The following APAF1 variants were observed in gnomAD, a reference collection of about 807,000 sequenced individuals.
APAF1 encodes the protein apoptotic peptidase activating factor 1.
APAF1 carries 91 observed loss-of-function variants against 152.4 expected under a neutral mutation model. That is an observed-to-expected ratio of 0.60 (90% CI 0.50 to 0.71). The LOEUF (loss-of-function observed/expected upper bound fraction) is 0.71, where lower values mean the gene tolerates loss of function less well. APAF1 is among the 30% of genes least tolerant of loss of function. The probability of loss-of-function intolerance (pLI) is 0.00; values close to 1 mark genes in which losing one functional copy is unlikely to be tolerated. For missense variants in APAF1, 1,283 were observed against 1,472.0 expected, an observed-to-expected ratio of 0.87 and a Z score of 2.10; for synonymous variants, 484 against 494.1, an observed-to-expected ratio of 0.98 and a Z score of 0.27.
rs145098547 is a variant in APAF1 at position 98,715,350 on chromosome 12, A to G, written c.2959-77A>G. 354 of 1,409,368 alleles carry G rather than the reference A, an allele frequency of 2.5e-4. No individual in the cohort carries two copies. In the African/African-American group the frequency reaches 4.8e-3, roughly 19 times the overall value. The allele number at this position is 1,409,368 out of a possible 1,614,324, so 87.3% of individuals were successfully genotyped here. On this transcript the variant is annotated intron_variant, in intron 21 of 26. Coordinates refer to ENST00000551964, the MANE Select transcript of APAF1 (RefSeq NM_181861.2). ...ATTCTGTACCCTCCAGTCTAATTTT[A>G]GTTTAATATCTTTGGGGTGTAATGC...
At position 98,732,890 on chromosome 12, in the gene APAF1, G is replaced by T; in HGVS notation, c.*324G>T. Reference sequence around the variant, plus strand: ...TTGACATAATTAATGAGAAGAATTTGGAAGAAATTGGTATTTTAATACTGT... The same window carrying T: ...TTGACATAATTAATGAGAAGAATTTTGAAGAAATTGGTATTTTAATACTGT... On this transcript the variant is annotated 3_prime_UTR_variant, in exon 27 of 27. Transcript: ENST00000551964. The T allele has an allele frequency of 3.2e-6, 1 of 308,030 alleles. No individual in the cohort carries two copies. The highest frequency in any genetic ancestry group is 6.1e-6 in the Non-Finnish European group (1 of 163,228). 19.1% of individuals were successfully genotyped at this position (308,030 alleles called of 1,614,324 possible).
chr12:98,701,774 A>G (rs146069069), intron 17 of APAF1, among the ~76,000 whole-genome samples: 1 of 152,086 alleles, frequency 6.6e-6, no homozygotes, highest in Non-Finnish European at 1.5e-5. Flanking sequence ...GTAGATCCCG[A>G]TTTCTTACCC....
Position 98,732,274 on chromosome 12 carries a change from T to C in APAF1, c.3601-146T>C, listed in dbSNP as rs991392806. On this transcript the variant is annotated intron_variant, in intron 26 of 26. Coordinates refer to ENST00000551964, the MANE Select transcript of APAF1 (RefSeq NM_181861.2). ...AAGAGGCTGACCAGGTTGAATAGTATATTCAGCATTAAATCCGAGACATTT... is the reference window on the plus strand; with the variant it reads ...AAGAGGCTGACCAGGTTGAATAGTACATTCAGCATTAAATCCGAGACATTT... The C allele has an allele frequency of 5.1e-5, 37 of 722,260 alleles. 1 individual carries two copies. The South Asian group carries it at 5.8e-4, about 11-fold the overall frequency. 44.7% of individuals were successfully genotyped at this position (722,260 alleles called of 1,614,324 possible).
intron 17 of APAF1, among the ~76,000 whole-genome samples, chr12:98,702,321 T>C (rs1301395640): frequency 5.9e-5 from 9 of 151,966 alleles, no homozygotes; most frequent in Non-Finnish European, 1.5e-5. Context: ...TGCCTTGGCC[T>C]CGCAAAGTGC....
chr12:98,681,200 C>G (rs1453773689), intron 14 of APAF1, among the ~76,000 whole-genome samples: 1 of 152,010 alleles, frequency 6.6e-6, no homozygotes, highest in Non-Finnish European at 1.5e-5. Flanking sequence ...TAGCTGAGAT[C>G]ACAGGTGTGC....
intron 4 of APAF1, 81 bp downstream of exon 4, chr12:98,649,765 TTGAA>T (rs1436335895): frequency 5.7e-5 from 73 of 1,277,330 alleles, no homozygotes; most frequent in Non-Finnish European, 6.6e-5. Flanking sequence ...ACGTGATAAA[TTGAA>T]TGGTAGAAAC....
At chr12:98,665,263 TATATATATATATATA>T (rs2097670776) in intron 7 of APAF1, among the ~76,000 whole-genome samples, 1 of 99,396 alleles carries the variant, frequency 1.0e-5, no homozygotes, top group Non-Finnish European at 2.1e-5. Context: ...CGCATATATA[TATATATATATATATA>T]TTTTTTTTTT....
Position 98,715,418 on chromosome 12 carries a change from G to A in APAF1, c.2959-9G>A, listed in dbSNP as rs1209517780. The stretch of plus-strand genomic sequence containing the variant: ...TCTTCTTAATTTTCTGTGTTTTTCT[G>A]CTTTGAAGATTTTAGAACTTGTAAA... On this transcript the variant is annotated splice_polypyrimidine_tract_variant and intron_variant, in intron 21 of 26. Transcript: ENST00000551964. 2 of 1,612,684 alleles carry A rather than the reference G, an allele frequency of 1.2e-6. No individual in the cohort carries two copies. The highest frequency in any genetic ancestry group is 3.3e-5 in the Admixed American group (2 of 59,916).
At chr12:98,721,844 A>AT (rs2097743374) in intron 22 of APAF1, among the ~76,000 whole-genome samples, 1 of 152,160 alleles carries the variant, frequency 6.6e-6, no homozygotes, top group East Asian at 1.9e-4. Flanking sequence ...TTATTTTAAG[A>AT]TTTTGCCTAG....
intron 7 of APAF1, among the ~76,000 whole-genome samples, chr12:98,663,291 T>C (rs971626166): frequency 6.6e-6 from 1 of 152,238 alleles, no homozygotes; most frequent in Non-Finnish European, 1.5e-5. Flanking sequence ...TTGATATAAG[T>C]ATTTTTAATT....
chr12:98,686,694 T>A, intron 15 of APAF1, 54 bp from the exon 16 acceptor site: 1 of 1,547,218 alleles, frequency 6.5e-7, no homozygotes, highest in Non-Finnish European at 8.9e-7. Flanking sequence ...TGATTTCTGA[T>A]GTTTCCCCAC....
intron 7 of APAF1, among the ~76,000 whole-genome samples, chr12:98,663,897 G>T (rs1278278869): frequency 6.6e-6 from 1 of 152,112 alleles, no homozygotes; most frequent in East Asian, 1.9e-4. Flanking sequence ...GACCTCAGGT[G>T]ATTGCCCGCC....
chr12:98,707,165 A>G (rs2097722250), intron 19 of APAF1, among the ~76,000 whole-genome samples: 1 of 152,126 alleles, frequency 6.6e-6, no homozygotes, highest in Non-Finnish European at 1.5e-5. Context: ...CTTGTCTACC[A>G]AAGTAAATAT....
intron 22 of APAF1, among the ~76,000 whole-genome samples, chr12:98,716,009 C>T (rs1176938613): frequency 6.6e-6 from 1 of 152,208 alleles, no homozygotes; most frequent in African/African-American, 2.4e-5. Context: ...GAGGCCTAAA[C>T]TTACTATATA....
At chr12:98,675,290 A>G (rs1189740203) in intron 12 of APAF1, among the ~76,000 whole-genome samples, 1 of 152,216 alleles carries the variant, frequency 6.6e-6, no homozygotes, top group Non-Finnish European at 1.5e-5. Flanking sequence ...TGGGCCATCT[A>G]CTATATATCC....
chr12:98,685,773 T>G (rs2097697381), intron 15 of APAF1, among the ~76,000 whole-genome samples: 1 of 152,168 alleles, frequency 6.6e-6, no homozygotes, highest in Non-Finnish European at 1.5e-5. Flanking sequence ...GTAGCTGGGA[T>G]TACAGGCATG....
rs367578785 is a variant in APAF1, at chr12:98,695,928, C to T, written c.2305-3480C>T. ...TGATTGGGCTGCTTGGATTTCTCCACTGCAGGCTCAGAATTTAATTTCTAG... is the reference window on the plus strand; with the variant it reads ...TGATTGGGCTGCTTGGATTTCTCCATTGCAGGCTCAGAATTTAATTTCTAG... On this transcript the variant is annotated intron_variant, in intron 16 of 26. Transcript: ENST00000551964. Among the ~76,000 whole-genome samples the T allele has an allele frequency of 6.0e-4, 92 of 152,352 alleles. 1 individual carries two copies. Among genetic ancestry groups the T allele is most frequent in the African/African-American group, 1.7e-3 (71 of 41,574 alleles).
intron 18 of APAF1, among the ~76,000 whole-genome samples, chr12:98,706,069 C>A (rs1384055011): frequency 1.3e-5 from 2 of 152,090 alleles, no homozygotes; most frequent in African/African-American, 2.4e-5. Context: ...TACCTGTATC[C>A]TTCTATATGT....
intron 18 of APAF1, among the ~76,000 whole-genome samples, chr12:98,705,321 A>AAGAAAGTGGGAAG: frequency 6.6e-6 from 1 of 152,156 alleles, no homozygotes; most frequent in East Asian, 1.9e-4. Flanking sequence ...AGATGGGGAG[A>AAGAAAGTGGGAAG]AGAAAGTGGG....
Sources: allele counts gnomAD v4.1 joint callset (sites outside exome capture counted in the v4.1 genomes callset), GRCh38; gene constraint gnomAD v4.1.1; transcripts MANE v1.5; gene names NCBI Gene and HGNC (gene_info 2026-07-23, HGNC 2026-07-21).